DPP10: variants seen among roughly 807,000 people sequenced by gnomAD.
The protein encoded by DPP10 is dipeptidyl peptidase like 10.
Under a neutral mutation model 120.9 loss-of-function variants are expected in DPP10, and 33 were observed. The ratio of observed to expected loss-of-function variants is 0.27; its 90% CI spans 0.21 to 0.37. The LOEUF is 0.37. DPP10 is among the 10% of genes least tolerant of loss of function. DPP10 has a pLI of 1.00. For synonymous variants in DPP10, 337 were observed against 326.1 expected (o/e 1.03, Z -0.36); for missense variants, 816 against 942.8 (o/e 0.87, Z 1.76).
rs528173232 is a variant in DPP10, at chr2:115,214,903, A to G, written c.61-94336A>G. On this transcript the variant is annotated intron_variant, in intron 1 of 25. Transcript: ENST00000410059. Reference sequence around the variant, plus strand: ...CGAATTGACAATGCCTTTGGCTCTCATTTTTTTATCCTAGCACATCTTGCC... The same window carrying G: ...CGAATTGACAATGCCTTTGGCTCTCGTTTTTTTATCCTAGCACATCTTGCC... Among the ~76,000 whole-genome samples the G allele has an allele frequency of 5.9e-5, 9 of 152,144 alleles. No homozygotes were observed. The South Asian group carries it at 1.9e-3, about 32-fold the overall frequency.
At chr2:115,289,509 G>GAAAAGAAAAGAA (rs2060565865) in intron 1 of DPP10, among the ~76,000 whole-genome samples, 1 of 126,268 alleles carries the variant, frequency 7.9e-6, no homozygotes, top group Non-Finnish European at 1.7e-5. Flanking sequence ...AAAAAAGGAA[G>GAAAAGAAAAGAA]AAAAGAAAAG....
At chr2:114,587,714 C>T (rs1691120750) in intron 1 of DPP10, among the ~76,000 whole-genome samples, 1 of 152,202 alleles carries the variant, frequency 6.6e-6, no homozygotes. Context: ...AATTTTCTCA[C>T]ATTCCCTCAA....
chr2:115,378,345 C>G (rs368568998), intron 3 of DPP10, among the ~76,000 whole-genome samples: 6,974 of 118,016 alleles, frequency 0.059, 234 homozygotes, highest in Middle Eastern at 0.12. Flanking sequence ...CATGATTTGG[C>G]TCTCTGTTTG....
chr2:114,745,063 A>G (rs1678447862), intron 1 of DPP10, among the ~76,000 whole-genome samples: 1 of 152,224 alleles, frequency 6.6e-6, no homozygotes, highest in Non-Finnish European at 1.5e-5. Context: ...CCTGGCCACA[A>G]TGCCTGCAAT....
intron 3 of DPP10, among the ~76,000 whole-genome samples, chr2:115,346,171 C>T (rs534988069): frequency 3.3e-5 from 5 of 152,266 alleles, no homozygotes; most frequent in East Asian, 3.9e-4. Context: ...GGCCTATTTA[C>T]GTATTCCTCA....
At chr2:115,232,083 A>C (rs1285005179) in intron 1 of DPP10, among the ~76,000 whole-genome samples, 1 of 152,178 alleles carries the variant, frequency 6.6e-6, no homozygotes, top group Non-Finnish European at 1.5e-5. Flanking sequence ...CAAGCCTTCT[A>C]ACTGCCTAGT....
intron 1 of DPP10, among the ~76,000 whole-genome samples, chr2:114,620,206 T>A (rs1693988259): frequency 6.6e-6 from 1 of 151,944 alleles, no homozygotes; most frequent in African/African-American, 2.4e-5. Flanking sequence ...AAACAACAAG[T>A]CATCAACAGG....
intron 25 of DPP10, among the ~76,000 whole-genome samples, chr2:115,841,625 A>G (rs1690156828): frequency 6.6e-6 from 1 of 152,218 alleles, no homozygotes; most frequent in South Asian, 2.1e-4. Context: ...AGTTTTATTC[A>G]AAGGGCAATG....
At chr2:114,530,748 T>A (rs1208509936) in intron 1 of DPP10, among the ~76,000 whole-genome samples, 2 of 152,104 alleles carry the variant, frequency 1.3e-5, no homozygotes, top group Non-Finnish European at 2.9e-5. Context: ...GTCAAAAAAA[T>A]ACTAAGGAGA....
At chr2:114,491,945 A>C (rs998780857) in intron 1 of DPP10, among the ~76,000 whole-genome samples, 1 of 152,154 alleles carries the variant, frequency 6.6e-6, no homozygotes, top group African/African-American at 2.4e-5. Flanking sequence ...TCAAACCTCA[A>C]AAAATGGACT....
chr2:115,516,567 ATTC>A (rs1243712586), intron 4 of DPP10, among the ~76,000 whole-genome samples: 3 of 93,234 alleles, frequency 3.2e-5, no homozygotes, highest in African/African-American at 1.2e-4. Flanking sequence ...GAGCCTTGTT[ATTC>A]TTTGTTTTTT....
intron 5 of DPP10, among the ~76,000 whole-genome samples, chr2:115,660,338 A>T (rs557926161): frequency 6.6e-6 from 1 of 152,158 alleles, no homozygotes; most frequent in African/African-American, 2.4e-5. Flanking sequence ...TCACATTGCT[A>T]TGACCATTCC....
chr2:115,036,970 C>A (rs1273619626), intron 1 of DPP10, among the ~76,000 whole-genome samples: 2 of 152,050 alleles, frequency 1.3e-5, no homozygotes, highest in Admixed American at 1.3e-4. Context: ...GACCAGGTGA[C>A]TTTTTTTCTG....
intron 1 of DPP10, among the ~76,000 whole-genome samples, chr2:115,266,732 A>G (rs535433699): frequency 3.3e-5 from 5 of 152,314 alleles, no homozygotes; most frequent in Admixed American, 6.5e-5. Flanking sequence ...GAATGATAAT[A>G]ATTTGGTCAA....
chr2:114,872,921 C>T (rs747136950), intron 1 of DPP10, among the ~76,000 whole-genome samples: 1 of 152,164 alleles, frequency 6.6e-6, no homozygotes, highest in Non-Finnish European at 1.5e-5. Context: ...ATTCTCCAAG[C>T]CCACTTTGTA....
At chr2:115,355,520 G>T (rs997375803) in intron 3 of DPP10, among the ~76,000 whole-genome samples, 1 of 152,110 alleles carries the variant, frequency 6.6e-6, no homozygotes, top group Non-Finnish European at 1.5e-5. Context: ...TGTTCACTCT[G>T]ATGATGGTTT....
intron 4 of DPP10, among the ~76,000 whole-genome samples, chr2:115,515,105 A>G (rs1463632726): frequency 6.6e-6 from 1 of 152,078 alleles, no homozygotes; most frequent in South Asian, 2.1e-4. Context: ...AAATTGTGTA[A>G]TAGCACCATA....
intron 3 of DPP10, among the ~76,000 whole-genome samples, chr2:115,439,622 T>G (rs1160370532): frequency 6.6e-6 from 1 of 152,312 alleles, no homozygotes; most frequent in African/African-American, 2.4e-5. Flanking sequence ...GGATAGTAGG[T>G]TATTTGGAGC....
intron 1 of DPP10, among the ~76,000 whole-genome samples, chr2:114,560,697 C>A (rs1016210803): frequency 3.0e-4 from 46 of 152,178 alleles, no homozygotes; most frequent in African/African-American, 1.1e-3. Context: ...AGTCACTAAG[C>A]AGCATTGAGA....
Sources: allele counts gnomAD v4.1 joint callset (sites outside exome capture counted in the v4.1 genomes callset), GRCh38; gene constraint gnomAD v4.1.1; transcripts MANE v1.5; gene names NCBI Gene and HGNC (gene_info 2026-07-23, HGNC 2026-07-21).